Variants in SERINC1 observed in about 807,000 individuals in gnomAD.
SERINC1 encodes serine incorporator 1.
Under a neutral mutation model 52.9 loss-of-function variants are expected in SERINC1, and 38 were observed. The ratio of observed to expected loss-of-function variants is 0.72; its 90% CI spans 0.55 to 0.94. The LOEUF is 0.94. Ranked by LOEUF, SERINC1 falls within the 40% of genes least tolerant of loss-of-function variation. The pLI, the probability that SERINC1 is intolerant of heterozygous loss-of-function variation, is 0.00. For synonymous variants in SERINC1, 198 were observed against 183.1 expected (o/e 1.08, Z -0.66); for missense variants, 471 against 533.9 (o/e 0.88, Z 1.16).
rs1429339615 is a variant in SERINC1, at chr6:122,444,118, C to G, written c.*926G>C. 6 of 152,446 alleles carry G rather than the reference C, an allele frequency of 3.9e-5. No individual in the cohort carries two copies. Among genetic ancestry groups the G allele is most frequent in the Admixed American group, 3.9e-4 (6 of 15,278 alleles). The allele number at this position is 152,446 out of a possible 1,614,324, so 9.4% of individuals were successfully genotyped here. ...CAAGCAATCCTCCCACCTCAGCCTC[C>G]TCAGTAGCTGGGACCACAGGCATAT... On this transcript the variant is annotated 3_prime_UTR_variant, in exon 10 of 10. Transcript: ENST00000339697.
chr6:122,455,803 G>A (rs1318232117), intron 3 of SERINC1, among the ~76,000 whole-genome samples: 1 of 152,056 alleles, frequency 6.6e-6, no homozygotes, highest in Non-Finnish European at 1.5e-5. Flanking sequence ...ATGTATCAAA[G>A]TATAAGGTGA....
Position 122,444,896 on chromosome 6 carries a change from C to T in SERINC1, c.*148G>A, listed in dbSNP as rs565075130. 4.2e-6 allele frequency: 3 copies of T among 713,530 alleles called. No homozygotes were observed. The South Asian group carries it at 6.1e-5, about 15-fold the overall frequency. The allele number at this position is 713,530 out of a possible 1,614,324, so 44.2% of individuals were successfully genotyped here. On this transcript the variant is annotated 3_prime_UTR_variant, in exon 10 of 10. Transcript: ENST00000339697. Reference sequence around the variant, plus strand: ...ATCAATGCACTTGGTAAGAAAATAACAAAATGACAAGCAGTAAAATCTAAT... The same window carrying T: ...ATCAATGCACTTGGTAAGAAAATAATAAAATGACAAGCAGTAAAATCTAAT...
chr6:122,462,464 A>G (rs2114487822), intron 1 of SERINC1, among the ~76,000 whole-genome samples: 1 of 152,258 alleles, frequency 6.6e-6, no homozygotes, highest in Admixed American at 6.5e-5. Flanking sequence ...TATATAGAAA[A>G]TCCCAAAGAG....
chr6:122,458,881 G>A (rs1775050640), intron 1 of SERINC1, among the ~76,000 whole-genome samples, 200 bp from the exon 2 acceptor site: 1 of 151,870 alleles, frequency 6.6e-6, no homozygotes, highest in Non-Finnish European at 1.5e-5. Flanking sequence ...AAGGAGTAAA[G>A]ACAAAAAAAA....
chr6:122,445,952 AT>A (rs1327588129), intron 9 of SERINC1, among the ~76,000 whole-genome samples: 2 of 150,452 alleles, frequency 1.3e-5, no homozygotes, highest in Non-Finnish European at 2.9e-5. Flanking sequence ...GAATTAAAAA[AT>A]ATATATACTT....
intron 1 of SERINC1, among the ~76,000 whole-genome samples, chr6:122,459,340 T>C (rs1253057120): frequency 6.6e-6 from 1 of 151,952 alleles, no homozygotes; most frequent in Non-Finnish European, 1.5e-5. Context: ...AGCCACAGAG[T>C]AAATATTCTC....
At chr6:122,470,437 G>A (rs1279111803) in intron 1 of SERINC1, among the ~76,000 whole-genome samples, 1 of 152,084 alleles carries the variant, frequency 6.6e-6, no homozygotes, top group Non-Finnish European at 1.5e-5. Flanking sequence ...AAATTGAATT[G>A]CATAACATCT....
chr6:122,447,814 C>A (rs1412240602), intron 7 of SERINC1, among the ~76,000 whole-genome samples: 1 of 152,160 alleles, frequency 6.6e-6, no homozygotes, highest in Non-Finnish European at 1.5e-5. Flanking sequence ...AAGTCTTATT[C>A]TTTTATAAAG....
chr6:122,464,237 G>T (rs1369771530), intron 1 of SERINC1, among the ~76,000 whole-genome samples: 2 of 152,026 alleles, frequency 1.3e-5, no homozygotes, highest in Admixed American at 6.6e-5. Context: ...ATATTACAAA[G>T]AGTAAATTCT....
intron 5 of SERINC1, among the ~76,000 whole-genome samples, chr6:122,453,155 A>T (rs149825068): frequency 6.6e-6 from 1 of 152,002 alleles, no homozygotes; most frequent in African/African-American, 2.4e-5. Flanking sequence ...ATGCACTTAA[A>T]CTCTGTCCTC....
intron 1 of SERINC1, among the ~76,000 whole-genome samples, chr6:122,459,908 T>C (rs1448478422): frequency 6.6e-6 from 1 of 152,122 alleles, no homozygotes; most frequent in Non-Finnish European, 1.5e-5. Context: ...TTGGGATAAT[T>C]ACTATAAATT....
chr6:122,469,450 C>T (rs1051184654), intron 1 of SERINC1, among the ~76,000 whole-genome samples: 3 of 151,288 alleles, frequency 2.0e-5, no homozygotes, highest in African/African-American at 7.3e-5. Context: ...CATCTTGGCT[C>T]ACTGCAGCCT....
At chr6:122,451,777 AT>A (rs777234055) in intron 6 of SERINC1, 23 bp from the exon 7 acceptor site, 7,718 of 216,306 alleles carry the variant, frequency 0.036, 13 homozygotes, top group Middle Eastern at 0.064. Flanking sequence ...AAAAAAAAAA[AT>A]ATATATATAT....
chr6:122,458,828 C>A, intron 1 of SERINC1, 147 bp from the exon 2 acceptor site: 1 of 558,930 alleles, frequency 1.8e-6, no homozygotes, highest in East Asian at 3.1e-5. Flanking sequence ...GTATTTGGTT[C>A]ATATAAATTA....
intron 2 of SERINC1, 49 bp from the exon 3 acceptor site, chr6:122,456,699 A>G: frequency 7.3e-7 from 1 of 1,376,158 alleles, no homozygotes; most frequent in Non-Finnish European, 9.8e-7. Context: ...TCATTAAGTA[A>G]AAATAAAAAT....
At chr6:122,469,206 C>T (rs1051295897) in intron 1 of SERINC1, among the ~76,000 whole-genome samples, 1 of 152,040 alleles carries the variant, frequency 6.6e-6, no homozygotes, top group Non-Finnish European at 1.5e-5. Context: ...CTTTATAGTT[C>T]AGACATTTTC....
At position 122,458,563 on chromosome 6, in the gene SERINC1, G is replaced by A. The variant is rs760991518; in HGVS notation, c.158C>T (p.Ala53Val). ...CATTCCTGGTATCAACATTACACAA[G>A]CTACACATACTCCAACAAGCAAGAA... ...ALFLLVGVCV[A>V]CVMLIPGMEE... Residue 53 changes from alanine (A) to valine (V), a missense_variant, in exon 2 of 10, where the codon GCT becomes GTT. By Grantham distance (64) the Ala-to-Val change is moderately conservative. Coordinates refer to ENST00000339697, the MANE Select transcript of SERINC1 (RefSeq NM_020755.4). 7 of 1,613,130 alleles carry A rather than the reference G, an allele frequency of 4.3e-6. No homozygotes were observed. In the South Asian group the frequency reaches 5.5e-5, roughly 13 times the overall value.
At chr6:122,454,506 C>A in intron 3 of SERINC1, 2 of 295,268 alleles carry the variant, frequency 6.8e-6, no homozygotes, top group South Asian at 5.7e-5. Flanking sequence ...AAAAACAAAG[C>A]AAAAAAAATC....
At chr6:122,467,884 T>C (rs1280490539) in intron 1 of SERINC1, among the ~76,000 whole-genome samples, 1 of 152,188 alleles carries the variant, frequency 6.6e-6, no homozygotes, top group African/African-American at 2.4e-5. Flanking sequence ...AATCAAGGGA[T>C]GACTGCTAAA....
Sources: gnomAD v4.1 joint callset for allele counts (sites outside exome capture counted in the v4.1 genomes callset) on GRCh38, gnomAD v4.1.1 for gene constraint, MANE v1.5 for transcripts, NCBI Gene and HGNC (gene_info 2026-07-23, HGNC 2026-07-21) for gene names.